The following LRRC4C variants were observed in gnomAD, a reference collection of about 807,000 sequenced individuals.
LRRC4C encodes the protein leucine rich repeat containing 4C, also known as leucine-rich repeat-containing protein 4C.
Under a neutral mutation model 33.6 loss-of-function variants are expected in LRRC4C, and 5 were observed. The observed-to-expected ratio is 0.15, with a 90% CI of 0.08 to 0.31. The LOEUF (loss-of-function observed/expected upper bound fraction) is 0.31, where lower values mean the gene tolerates loss of function less well. LRRC4C is among the 10% of genes least tolerant of loss of function. The probability of loss-of-function intolerance (pLI) is 1.00; values close to 1 mark genes in which losing one functional copy is unlikely to be tolerated. For synonymous variants in LRRC4C, 329 were observed against 302.0 expected (o/e 1.09, Z -0.93); for missense variants, 560 against 796.7 (o/e 0.70, Z 3.58).
intron 1 of LRRC4C, among the ~76,000 whole-genome samples, chr11:41,156,756 T>G (rs964809494): frequency 1.3e-5 from 2 of 151,774 alleles, no homozygotes; most frequent in African/African-American, 4.8e-5. Flanking sequence ...ATAACTGAGG[T>G]GAGCCTTACT....
At chr11:40,669,035 A>T (rs2136259509) in intron 2 of LRRC4C, among the ~76,000 whole-genome samples, 1 of 152,266 alleles carries the variant, frequency 6.6e-6, no homozygotes, top group Non-Finnish European at 1.5e-5. Flanking sequence ...GGCAAATATA[A>T]ATCTTAAATA....
intron 1 of LRRC4C, among the ~76,000 whole-genome samples, chr11:41,109,768 C>T (rs902995009): frequency 6.6e-6 from 1 of 152,026 alleles, no homozygotes; most frequent in Non-Finnish European, 1.5e-5. Flanking sequence ...TCCTACAACA[C>T]CATTTCTTCC....
At chr11:40,131,526 T>G (rs1344995004) in intron 6 of LRRC4C, among the ~76,000 whole-genome samples, 1 of 152,178 alleles carries the variant, frequency 6.6e-6, no homozygotes, top group Non-Finnish European at 1.5e-5. Flanking sequence ...AAGAAAAGGT[T>G]GATTGTTGCA....
At chr11:40,239,787 G>T (rs1341032600) in intron 5 of LRRC4C, among the ~76,000 whole-genome samples, 2 of 152,166 alleles carry the variant, frequency 1.3e-5, no homozygotes, top group Non-Finnish European at 2.9e-5. Flanking sequence ...CTTTTTTATG[G>T]TATAGCAAGA....
chr11:41,387,132 A>T (rs938724167), intron 1 of LRRC4C, among the ~76,000 whole-genome samples: 1 of 151,764 alleles, frequency 6.6e-6, no homozygotes. Flanking sequence ...AAATGTCTTT[A>T]TTAACTGATA....
intron 3 of LRRC4C, among the ~76,000 whole-genome samples, chr11:40,598,910 C>T (rs531491099): frequency 1.3e-5 from 2 of 152,298 alleles, no homozygotes; most frequent in South Asian, 2.1e-4. Flanking sequence ...CTGCTTAGCA[C>T]TGTGTCTGCT....
intron 1 of LRRC4C, among the ~76,000 whole-genome samples, chr11:41,050,706 G>T (rs962485893): frequency 2.6e-5 from 4 of 152,052 alleles, no homozygotes; most frequent in African/African-American, 4.8e-5. Context: ...GGGCATTTGG[G>T]GTGGTTCCAA....
intron 4 of LRRC4C, among the ~76,000 whole-genome samples, chr11:40,274,257 A>G (rs1460380645): frequency 6.6e-6 from 1 of 151,948 alleles, no homozygotes; most frequent in African/African-American, 2.4e-5. Context: ...GAGGGGAGGG[A>G]AAGATTCCCG....
intron 3 of LRRC4C, among the ~76,000 whole-genome samples, chr11:40,517,317 G>A (rs1016853584): frequency 6.6e-6 from 1 of 152,246 alleles, no homozygotes; most frequent in Non-Finnish European, 1.5e-5. Flanking sequence ...GACTTTTCCA[G>A]TGTCCTGTTT....
intron 2 of LRRC4C, among the ~76,000 whole-genome samples, chr11:40,813,409 T>A (rs914625199): frequency 7.2e-5 from 11 of 152,108 alleles, no homozygotes; most frequent in African/African-American, 2.7e-4. Flanking sequence ...CCATCAGATC[T>A]TGTAAGGCTT....
At chr11:41,231,511 C>T (rs935513530) in intron 1 of LRRC4C, among the ~76,000 whole-genome samples, 1 of 149,214 alleles carries the variant, frequency 6.7e-6, no homozygotes, top group Non-Finnish European at 1.5e-5. Context: ...CAAACTATCG[C>T]AAGGACAAAA....
At chr11:41,080,279 C>T (rs1346473954) in intron 1 of LRRC4C, among the ~76,000 whole-genome samples, 1 of 148,992 alleles carries the variant, frequency 6.7e-6, no homozygotes, top group East Asian at 2.0e-4. Context: ...GCACTAATTA[C>T]AATTGCATAA....
At chr11:41,034,370 A>T (rs1386067262) in intron 1 of LRRC4C, among the ~76,000 whole-genome samples, 1 of 150,446 alleles carries the variant, frequency 6.6e-6, no homozygotes, top group African/African-American at 2.4e-5. Context: ...ATTCCTTATA[A>T]ATTACCCACT....
chr11:40,285,681 A>C (rs930666085), intron 4 of LRRC4C, among the ~76,000 whole-genome samples: 10 of 152,210 alleles, frequency 6.6e-5, no homozygotes, highest in Admixed American at 1.3e-4. Flanking sequence ...CGGAAGGTAT[A>C]TGTGACCTAA....
chr11:41,184,272 C>A (rs10837595), intron 1 of LRRC4C, among the ~76,000 whole-genome samples: 82,233 of 151,230 alleles, frequency 0.54, 24,772 homozygotes, highest in Non-Finnish European at 0.68. Flanking sequence ...TTTTTCCTGT[C>A]ATATTGTCAG....
intron 3 of LRRC4C, among the ~76,000 whole-genome samples, chr11:40,447,494 G>T (rs761190029): frequency 1.9e-4 from 29 of 152,220 alleles, no homozygotes; most frequent in Middle Eastern, 3.4e-3. Context: ...AACTTTATAT[G>T]ATATGGCTCT....
At chr11:40,305,250 A>G (rs1473017066) in intron 4 of LRRC4C, among the ~76,000 whole-genome samples, 1 of 152,166 alleles carries the variant, frequency 6.6e-6, no homozygotes, top group African/African-American at 2.4e-5. Flanking sequence ...TGTCTATTGC[A>G]ACATTTTAAT....
chr11:40,758,559 T>C (rs753216631), intron 2 of LRRC4C, among the ~76,000 whole-genome samples: 18 of 152,066 alleles, frequency 1.2e-4, no homozygotes, highest in Admixed American at 2.0e-4. Flanking sequence ...TGAATTAATA[T>C]ATTAGTAATG....
At chr11:40,203,052 T>A (rs144419533) in intron 5 of LRRC4C, among the ~76,000 whole-genome samples, 20 of 152,284 alleles carry the variant, frequency 1.3e-4, no homozygotes, top group African/African-American at 3.1e-4. Flanking sequence ...CCAAGTGAAC[T>A]CCCCAGGGAA....
Sources: gnomAD v4.1 joint callset for allele counts (sites outside exome capture counted in the v4.1 genomes callset) on GRCh38, gnomAD v4.1.1 for gene constraint, MANE v1.5 for transcripts, NCBI Gene and HGNC (gene_info 2026-07-23, HGNC 2026-07-21) for gene names.